ZNF426: variants seen among roughly 807,000 people sequenced by gnomAD.
The protein encoded by ZNF426 is zinc finger protein 426, also known as CTC-543D15.7.
In ZNF426, 23 loss-of-function variants were observed where a neutral mutation model predicts 24.0. The observed-to-expected ratio is 0.96, with a 90% CI of 0.69 to 1.36. The LOEUF (loss-of-function observed/expected upper bound fraction) is 1.36, where lower values mean the gene tolerates loss of function less well. Ranked by LOEUF, ZNF426 falls within the 40% of genes most tolerant of loss-of-function variation. The pLI, the probability that ZNF426 is intolerant of heterozygous loss-of-function variation, is 0.00. For synonymous variants in ZNF426, 272 were observed against 224.6 expected (o/e 1.21, Z -1.89); for missense variants, 646 against 658.4 (o/e 0.98, Z 0.21).
chr19:9,536,874 C>G (rs2073974093), intron 2 of ZNF426, among the ~76,000 whole-genome samples: 2 of 152,108 alleles, frequency 1.3e-5, no homozygotes, highest in Admixed American at 1.3e-4. Context: ...GTGGCTCACG[C>G]CTGTAATCCC....
rs2073837461 is a variant in ZNF426 at position 9,528,984 on chromosome 19, T to C, written c.1061A>G (p.His354Arg). Residue 354 changes from histidine to arginine, a missense_variant, in exon 8 of 8, where the codon CAT (histidine) becomes CGT (arginine). His to Arg is a conservative substitution (Grantham distance 29, BLOSUM62 0). Transcript: ENST00000253115. ...CTTGTCTCCACTGTGAGATCGTACA[T>C]GCATACTAAGGCCCGAGTACTGAGT... ...AFTQYSGLSM[H>R]VRSHSGDKPY... 1 of 1,614,048 alleles carries C rather than the reference T, an allele frequency of 6.2e-7. No homozygotes were observed. Among genetic ancestry groups the C allele is most frequent in the Non-Finnish European group, 8.5e-7 (1 of 1,179,970 alleles).
At chr19:9,533,755 G>A in intron 5 of ZNF426, 85 bp downstream of exon 5, 1 of 1,560,110 alleles carries the variant, frequency 6.4e-7, no homozygotes, top group Admixed American at 1.8e-5. Flanking sequence ...TTTGCATTCA[G>A]AGTTGACATT....
rs912519227 is a variant in ZNF426, at chr19:9,527,516, T to C, written c.*864A>G. The C allele has an allele frequency of 6.6e-6, 1 of 152,218 alleles. No homozygotes were observed. The highest frequency in any genetic ancestry group is 2.4e-5 in the African/African-American group (1 of 41,456). The allele number at this position is 152,218 out of a possible 1,614,324, so 9.4% of individuals were successfully genotyped here. A position where few individuals can be genotyped will look rare whatever the true frequency, so the allele number is the denominator to read the frequency against. ...TAGTGAACATTCACAGGCTTTTTCA[T>C]GCTCCTTACATTCATACAATTTCTC... On this transcript the variant is annotated 3_prime_UTR_variant, in exon 8 of 8. Transcript: ENST00000253115.
intron 7 of ZNF426, 109 bp downstream of exon 7, chr19:9,530,874 CAT>C: frequency 1.2e-6 from 1 of 816,004 alleles, no homozygotes; most frequent in Non-Finnish European, 2.0e-6. Flanking sequence ...TGCTCCCTCT[CAT>C]GTGTATGCAA....
intron 3 of ZNF426, among the ~76,000 whole-genome samples, chr19:9,535,923 T>C (rs935291730): frequency 2.0e-5 from 3 of 151,824 alleles, no homozygotes; most frequent in African/African-American, 7.3e-5. Flanking sequence ...GATGATGAGC[T>C]GTGCTGCCCA....
At position 9,529,322 on chromosome 19, in the gene ZNF426, T is replaced by G. The variant is rs764752704; in HGVS notation, c.723A>C (p.Ala241=). Residue 241 remains alanine, a synonymous_variant, in exon 8 of 8, where the codon GCA becomes GCC. Coordinates refer to ENST00000253115, the MANE Select transcript of ZNF426 (RefSeq NM_024106.3). The stretch of plus-strand genomic sequence containing the variant: ...TTTCTCCATTGTGAGTTCTCATATG[T>G]GCCTGAAGGTATGACTCATTAATGA... The part of the protein sequence containing the change: ...KSFINESYLQ[A]HMRTHNGEKL... 6 of 1,614,180 alleles carry G rather than the reference T, an allele frequency of 3.7e-6. No individual in the cohort carries two copies. The highest frequency in any genetic ancestry group is 5.1e-6 in the Non-Finnish European group (6 of 1,180,026).
rs773747701 is a variant in ZNF426 at position 9,528,851 on chromosome 19, C to T, written c.1194G>A (p.Gly398=). The change falls in exon 8 of 8, where the codon GGG becomes GGA. Residue 398 remains glycine, a synonymous_variant. Coordinates refer to ENST00000253115, the MANE Select transcript of ZNF426 (RefSeq NM_024106.3). The stretch of plus-strand genomic sequence containing the variant: ...GATTTGAGGAAACTGCAAAGGCTTT[C>T]CCACATTCAACACATACAAAAGGCT... ...GEKPFVCVEC[G]KAFAVSSNLS... 5.0e-6 allele frequency: 8 copies of T among 1,614,024 alleles called. No individual in the cohort carries two copies. The highest frequency in any genetic ancestry group is 1.6e-4 in the Middle Eastern group (1 of 6,084).
chr19:9,529,339 C>G lies in ZNF426; in HGVS notation c.706G>C (p.Glu236Gln). The change falls in exon 8 of 8, where the codon GAG (glutamate) becomes CAG (glutamine). Residue 236 changes from glutamate (E) to glutamine (Q), a missense_variant. By Grantham distance (29) the Glu-to-Gln change is conservative (BLOSUM62 2). Transcript: ENST00000253115. ...CSHCGKSFIN[E>Q]SYLQAHMRTH... is the part of the protein sequence containing the mutation. ...CTCATATGTGCCTGAAGGTATGACTCATTAATGAAGGATTTTCCACAGTGA... is the reference window on the plus strand; with the variant it reads ...CTCATATGTGCCTGAAGGTATGACTGATTAATGAAGGATTTTCCACAGTGA... 2.5e-6 allele frequency: 4 copies of G among 1,614,166 alleles called. No individual in the cohort carries two copies. The highest frequency in any genetic ancestry group is 3.4e-6 in the Non-Finnish European group (4 of 1,180,038).
intron 6 of ZNF426, among the ~76,000 whole-genome samples, chr19:9,531,521 G>T (rs896890116): frequency 5.3e-5 from 8 of 152,120 alleles, no homozygotes; most frequent in Non-Finnish European, 5.9e-5. Flanking sequence ...TCAAAAATTT[G>T]GTTTTGATGT....
rs189914270 is a variant in ZNF426, at chr19:9,536,630, G to A, written c.-124-274C>T. The A allele has an allele frequency of 2.2e-3, 570 of 257,342 alleles. 1 individual carries two copies. The highest frequency in any genetic ancestry group is 0.012 in the African/African-American group (534 of 43,626). 15.9% of individuals were successfully genotyped at this position (257,342 alleles called of 1,614,324 possible). A position where few individuals can be genotyped will look rare whatever the true frequency, so the allele number is the denominator to read the frequency against. On this transcript the variant is annotated intron_variant, in intron 2 of 7. Coordinates refer to ENST00000253115, the MANE Select transcript of ZNF426 (RefSeq NM_024106.3). ...AGTACAAGTTTTGCACACACACATAGAAAAAATAATCTCACAATACACTTT... is the reference window on the plus strand; with the variant it reads ...AGTACAAGTTTTGCACACACACATAAAAAAAATAATCTCACAATACACTTT...
chr19:9,537,002 C>T (rs1487706406), intron 2 of ZNF426, among the ~76,000 whole-genome samples: 1 of 151,794 alleles, frequency 6.6e-6, no homozygotes, highest in Non-Finnish European at 1.5e-5. Context: ...GCGTGGTGTG[C>T]GGCTGTAATC....
At chr19:9,531,750 C>T (rs1459368086) in intron 6 of ZNF426, among the ~76,000 whole-genome samples, 8 of 152,116 alleles carry the variant, frequency 5.3e-5, no homozygotes, top group South Asian at 2.1e-4. Flanking sequence ...TTTGGGAGGC[C>T]GAGGCAGGCA....
chr19:9,536,146 G>T, intron 3 of ZNF426, 62 bp downstream of exon 3: 1 of 1,603,686 alleles, frequency 6.2e-7, no homozygotes, highest in South Asian at 1.1e-5. Flanking sequence ...CAAACCACTA[G>T]ACCCTATATT....
chr19:9,528,509 G>C lies in ZNF426; in HGVS notation c.1536C>G (p.Ala512=). ...TTCTAAAGGAACTGGAACACGTGAA[G>C]GCTTTCCCACACTCCTTGCATTCAT... The part of the protein sequence containing the change: ...KPYECKECGK[A]FTCSSSFRIH... Residue 512 remains alanine, a synonymous_variant, in exon 8 of 8, where the codon GCC becomes GCG. Coordinates refer to ENST00000253115, the MANE Select transcript of ZNF426 (RefSeq NM_024106.3). 6.2e-7 allele frequency: 1 copy of C among 1,614,122 alleles called. No individual in the cohort carries two copies. The highest frequency in any genetic ancestry group is 8.5e-7 in the Non-Finnish European group (1 of 1,180,018).
intron 7 of ZNF426, among the ~76,000 whole-genome samples, 196 bp downstream of exon 7, chr19:9,530,789 G>A (rs913922780): frequency 6.6e-6 from 1 of 151,966 alleles, no homozygotes; most frequent in Non-Finnish European, 1.5e-5. Flanking sequence ...AAAACTCAAC[G>A]TCTAGTTACA....
Position 9,532,856 on chromosome 19 carries a change from C to T in ZNF426, c.314G>A (p.Gly105Glu), listed in dbSNP as rs139390681. ...TCATGAACACTCACCTTGGAGAACT[C>T]CTCCCTGAACTGTCCTTGACTCTTC... is the stretch of plus-strand genomic sequence containing the variant. ...EQEESRTVQG[G>E]VLQGWEMRLE... The change falls in exon 6 of 8, where the codon GGA (glycine) becomes GAA (glutamate). Residue 105 changes from glycine (G) to glutamate (E), a missense_variant. Physicochemically the swap from Gly to Glu is moderately conservative, Grantham distance 98. Transcript: ENST00000253115. The T allele has an allele frequency of 1.4e-4, 220 of 1,613,468 alleles. No homozygotes were observed. The highest frequency in any genetic ancestry group is 1.7e-4 in the Non-Finnish European group (196 of 1,179,612).
chr19:9,537,774 C>T (rs977214609), intron 2 of ZNF426, among the ~76,000 whole-genome samples: 1 of 152,052 alleles, frequency 6.6e-6, no homozygotes, highest in Non-Finnish European at 1.5e-5. Context: ...CCTTAGTCTC[C>T]CAAATAGCTG....
In ZNF426 at chr19:9,528,323, A is replaced by AAAGTGAAC; in HGVS notation, c.*49_*56dup. 2 of 1,486,668 alleles carry AAAGTGAAC rather than the reference A, an allele frequency of 1.3e-6. No homozygotes were observed. The highest frequency in any genetic ancestry group is 1.4e-5 in the African/African-American group (1 of 71,202). 92.1% of individuals were successfully genotyped at this position (1,486,668 alleles called of 1,614,324 possible). A position where few individuals can be genotyped will look rare whatever the true frequency, so the allele number is the denominator to read the frequency against. On this transcript the variant is annotated 3_prime_UTR_variant, in exon 8 of 8. Coordinates refer to ENST00000253115, the MANE Select transcript of ZNF426 (RefSeq NM_024106.3). The stretch of plus-strand genomic sequence containing the variant: ...CCAGAGTGAGTTCATTCATGTCTTT[A>AAAGTGAAC]AAGTGAACTGGAACAAATGAGAGCT...
chr19:9,529,311 G>A lies in ZNF426; in HGVS notation c.734C>T (p.Thr245Ile), dbSNP rs1431106013. 5 of 1,614,046 alleles carry A rather than the reference G, an allele frequency of 3.1e-6. No individual in the cohort carries two copies. Among genetic ancestry groups the A allele is most frequent in the Non-Finnish European group, 4.2e-6 (5 of 1,180,006 alleles). ...NESYLQAHMR[T>I]HNGEKLYEWR... ...TTCGTAGAGTTTTTCTCCATTGTGA[G>A]TTCTCATATGTGCCTGAAGGTATGA... is the stretch of plus-strand genomic sequence containing the variant. Residue 245 changes from threonine to isoleucine, a missense_variant, in exon 8 of 8, where the codon ACT becomes ATT. Physicochemically the swap from Thr to Ile is moderately conservative, Grantham distance 89 (BLOSUM62 -1). Transcript: ENST00000253115.
Sources: allele counts gnomAD v4.1 joint callset (sites outside exome capture counted in the v4.1 genomes callset), GRCh38; gene constraint gnomAD v4.1.1; transcripts MANE v1.5; gene names NCBI Gene and HGNC (gene_info 2026-07-23, HGNC 2026-07-21).